Variants in NEB observed in about 807,000 individuals in gnomAD.
NEB encodes the protein nemaline myopathy type 2.
NEB carries 512 observed loss-of-function variants against 952.2 expected under a neutral mutation model. That is an observed-to-expected ratio of 0.54 (90% CI 0.50 to 0.58). NEB has a LOEUF of 0.58. Among genes scored for constraint, NEB ranks in the 20% least tolerant of loss-of-function variants. The pLI is 0.00. For missense variants in NEB, 8,428 were observed against 9,231.1 expected (o/e 0.91, Z 3.56); for synonymous variants, 2,900 against 3,149.8 (o/e 0.92, Z 2.66).
At chr2:151,569,551 G>A (rs1364939063) in intron 109 of NEB, among the ~76,000 whole-genome samples, 179 bp from the exon 110 acceptor site, 14 of 152,142 alleles carry the variant, frequency 9.2e-5, no homozygotes, top group African/African-American at 3.4e-4. Flanking sequence ...TGTGACAAAC[G>A]ATAGCATATA....
At chr2:151,571,025 G>A (rs556430063) in intron 107 of NEB, among the ~76,000 whole-genome samples, 1 of 151,460 alleles carries the variant, frequency 6.6e-6, no homozygotes, top group East Asian at 1.9e-4. Context: ...TTTTTTTTGA[G>A]ACGGAGTTTC....
At chr2:151,520,928 T>C (rs187781350) in intron 153 of NEB, among the ~76,000 whole-genome samples, 9 of 152,244 alleles carry the variant, frequency 5.9e-5, no homozygotes, top group African/African-American at 2.2e-4. Context: ...CAGAAACATC[T>C]CCTAATTGAA....
intron 71 of NEB, among the ~76,000 whole-genome samples, chr2:151,625,233 T>C (rs1004523446): frequency 2.0e-5 from 3 of 152,190 alleles, no homozygotes; most frequent in Admixed American, 6.5e-5. Flanking sequence ...ATTTGATGAA[T>C]AGCAAGAATT....
At position 151,720,407 on chromosome 2, in the gene NEB, A is replaced by G. The variant is rs74692049; in HGVS notation, c.718-2887T>C. On this transcript the variant is annotated intron_variant, in intron 9 of 181. Coordinates refer to ENST00000397345, the MANE Select transcript of NEB (RefSeq NM_001164508.2). ...GTTCATAGTACTGACAACAGTATTAATAGGCATGTCAATAATCTGATACTG... is the reference window on the plus strand; with the variant it reads ...GTTCATAGTACTGACAACAGTATTAGTAGGCATGTCAATAATCTGATACTG... Among the ~76,000 whole-genome samples the G allele has an allele frequency of 2.7e-3, 415 of 152,344 alleles. 2 individuals carry two copies. Among genetic ancestry groups the G allele is most frequent in the African/African-American group, 9.6e-3 (401 of 41,580 alleles).
In NEB at chr2:151,503,506, CAT is replaced by C. The variant is rs547728786; in HGVS notation, c.23743-67_23743-66del. On this transcript the variant is annotated intron_variant, in intron 165 of 181. Coordinates refer to ENST00000397345, the MANE Select transcript of NEB (RefSeq NM_001164508.2). ...CCGTAAATCCTTTAGATAGCAGCCA[CAT>C]GTGGGCTATTTGGGGGAAACTCATA... The C allele has an allele frequency of 9.8e-4, 1,046 of 1,072,470 alleles. 3 individuals carry two copies. The highest frequency in any genetic ancestry group is 1.3e-3 in the Non-Finnish European group (892 of 698,226). 66.4% of individuals were successfully genotyped at this position (1,072,470 alleles called of 1,614,324 possible). A position where few individuals can be genotyped will look rare whatever the true frequency, so the allele number is the denominator to read the frequency against.
In NEB at chr2:151,537,129, T is replaced by G. The variant is rs760313653; in HGVS notation, c.21207+3A>C. 6.3e-7 allele frequency: 1 copy of G among 1,590,708 alleles called. No homozygotes were observed. The highest frequency in any genetic ancestry group is 2.2e-5 in the East Asian group (1 of 44,638). On this transcript the variant is annotated splice_donor_region_variant and intron_variant, in intron 141 of 181. Coordinates refer to ENST00000397345, the MANE Select transcript of NEB (RefSeq NM_001164508.2). ...GAGGCCAATTCTCCTTGAGTATATA[T>G]ACCTTGCTGTAGAGAGTCTTGTTCT...
At position 151,506,893 on chromosome 2, in the gene NEB, T is replaced by TA; in HGVS notation, c.23556+15dup. The stretch of plus-strand genomic sequence containing the variant: ...GACTAGGTTAGCATTAAATGCAAAA[T>TA]AAATAGTAAATATACCGAGCTGAAA... On this transcript the variant is annotated intron_variant, in intron 163 of 181. Coordinates refer to ENST00000397345, the MANE Select transcript of NEB (RefSeq NM_001164508.2). The TA allele has an allele frequency of 5.2e-6, 8 of 1,533,400 alleles. No homozygotes were observed. Among genetic ancestry groups the TA allele is most frequent in the Non-Finnish European group, 7.2e-6 (8 of 1,109,238 alleles). The allele number at this position is 1,533,400 out of a possible 1,614,324, so 95.0% of individuals were successfully genotyped here.
chr2:151,506,442 C>T (rs1364616037), intron 163 of NEB, 184 bp from the exon 164 acceptor site: 4 of 564,404 alleles, frequency 7.1e-6, no homozygotes, highest in East Asian at 2.8e-5. Flanking sequence ...AGTTATACAA[C>T]ATGGATCTTT....
At chr2:151,553,708 G>T in intron 126 of NEB, 120 bp downstream of exon 126, 1 of 1,045,634 alleles carries the variant, frequency 9.6e-7, no homozygotes, top group Non-Finnish European at 1.4e-6. Flanking sequence ...TGGACAAATG[G>T]ACATATAGGG....
At position 151,526,524 on chromosome 2, in the gene NEB, T is replaced by G. The variant is rs549919581; in HGVS notation, c.21946-262A>C. Among the ~76,000 whole-genome samples, 8 of 152,324 alleles carry G rather than the reference T, an allele frequency of 5.3e-5. No individual in the cohort carries two copies. The South Asian group carries it at 1.7e-3, about 32-fold the overall frequency. On this transcript the variant is annotated intron_variant, in intron 148 of 181. Coordinates refer to ENST00000397345, the MANE Select transcript of NEB (RefSeq NM_001164508.2). ...TTCACAGCACGCTCAGATATGCCATTTGTCCCTCCCATAAGCCCTCCATGA... is the reference window on the plus strand; with the variant it reads ...TTCACAGCACGCTCAGATATGCCATGTGTCCCTCCCATAAGCCCTCCATGA...
At chr2:151,691,782 CA>C in intron 23 of NEB, 81 bp downstream of exon 23, 1 of 1,027,812 alleles carries the variant, frequency 9.7e-7, no homozygotes, top group Non-Finnish European at 1.5e-6. Flanking sequence ...TAGATATTAG[CA>C]TGTAAACTCC....
chr2:151,560,044 TCTA>T lies in NEB; in HGVS notation c.19314+545_19314+547del, dbSNP rs372991820. On this transcript the variant is annotated intron_variant, in intron 124 of 181. Coordinates refer to ENST00000397345, the MANE Select transcript of NEB (RefSeq NM_001164508.2). ...TAAAGAGTTAGAGGATGTATGATCT[TCTA>T]CTATATTTAAACAGCTCATGAGATT... Among the ~76,000 whole-genome samples, 13 of 152,326 alleles carry T rather than the reference TCTA, an allele frequency of 8.5e-5. No individual in the cohort carries two copies. In the East Asian group the frequency reaches 1.3e-3, roughly 16 times the overall value.
At chr2:151,693,438 C>A (rs2099573637) in intron 20 of NEB, among the ~76,000 whole-genome samples, 1 of 151,694 alleles carries the variant, frequency 6.6e-6, no homozygotes. Context: ...CCCCAGCCTC[C>A]AACAGTGTGT....
Position 151,690,840 on chromosome 2 carries a change from G to A in NEB, c.2212-15C>T. Reference sequence around the variant, plus strand: ...TTGTAGGTATGCTAGAAAAGAAGATGTTCTTTAATGAAATATCAGTATATT... The same window carrying A: ...TTGTAGGTATGCTAGAAAAGAAGATATTCTTTAATGAAATATCAGTATATT... On this transcript the variant is annotated splice_polypyrimidine_tract_variant and intron_variant, in intron 23 of 181. Transcript: ENST00000397345. 1 of 1,503,702 alleles carries A rather than the reference G, an allele frequency of 6.7e-7. No individual in the cohort carries two copies. Among genetic ancestry groups the A allele is most frequent in the Non-Finnish European group, 9.1e-7 (1 of 1,098,802 alleles). The allele number at this position is 1,503,702 out of a possible 1,614,324, so 93.1% of individuals were successfully genotyped here.
At chr2:151,493,256 G>A (rs1454750437) in intron 176 of NEB, 97 bp downstream of exon 176, 1 of 930,280 alleles carries the variant, frequency 1.1e-6, no homozygotes, top group Admixed American at 2.5e-5. Context: ...TAAAATTTTA[G>A]TGTGTTTTTC....
chr2:151,496,016 T>TAA (rs2059947794), intron 173 of NEB, among the ~76,000 whole-genome samples: 1 of 152,008 alleles, frequency 6.6e-6, no homozygotes. Flanking sequence ...GGATAGAGAG[T>TAA]AAGTTTGGAG....
At chr2:151,716,209 G>T in intron 10 of NEB, 1 of 385,536 alleles carries the variant, frequency 2.6e-6, no homozygotes, top group Non-Finnish European at 5.1e-6. Flanking sequence ...CACAATCTTG[G>T]CTCACTGCAA....
At chr2:151,550,952 T>TTAG (rs2095287189) in intron 129 of NEB, among the ~76,000 whole-genome samples, 1 of 145,710 alleles carries the variant, frequency 6.9e-6, no homozygotes, top group Non-Finnish European at 1.5e-5. Context: ...GCCAAAATTA[T>TTAG]TATTATTATT....
intron 111 of NEB, 55 bp downstream of exon 111, chr2:151,568,562 AG>A: frequency 6.8e-7 from 1 of 1,476,918 alleles, no homozygotes. Flanking sequence ...TAGATGGAAA[AG>A]CTTTGGAAGT....
Sources: gnomAD v4.1 joint callset for allele counts (sites outside exome capture counted in the v4.1 genomes callset) on GRCh38, gnomAD v4.1.1 for gene constraint, MANE v1.5 for transcripts, NCBI Gene and HGNC (gene_info 2026-07-23, HGNC 2026-07-21) for gene names.